COL16A1: variants seen among roughly 807,000 people sequenced by gnomAD.
COL16A1 encodes the protein collagen type XVI alpha 1 chain.
Under a neutral mutation model 266.3 loss-of-function variants are expected in COL16A1, and 189 were observed. That is an observed-to-expected ratio of 0.71 (90% confidence interval 0.63 to 0.80). The LOEUF (loss-of-function observed/expected upper bound fraction) is 0.80, where lower values mean the gene tolerates loss of function less well. Among genes scored for constraint, COL16A1 ranks in the 30% least tolerant of loss-of-function variants. The probability of loss-of-function intolerance (pLI) is 0.00; values close to 1 mark genes in which losing one functional copy is unlikely to be tolerated. For missense variants in COL16A1, 1,928 were observed against 2,122.4 expected (o/e 0.91, Z 1.80); for synonymous variants, 740 against 782.3 (o/e 0.95, Z 0.90).
chr1:31,655,645 C>A, intron 66 of COL16A1, 143 bp from the exon 67 acceptor site: 1 of 1,417,980 alleles, frequency 7.1e-7, no homozygotes, highest in Non-Finnish European at 9.5e-7. Context: ...CTCCACCTCA[C>A]TGCCCCAGAG....
chr1:31,676,293 TTAGTC>T, intron 42 of COL16A1, among the ~76,000 whole-genome samples: 1 of 148,418 alleles, frequency 6.7e-6, no homozygotes, highest in East Asian at 2.0e-4. Flanking sequence ...CCACTACACT[TTAGTC>T]TAGGCAACAG....
chr1:31,682,053 A>G (rs1643684025), intron 37 of COL16A1, among the ~76,000 whole-genome samples: 1 of 152,224 alleles, frequency 6.6e-6, no homozygotes, highest in African/African-American at 2.4e-5. Context: ...CCCAAGACAA[A>G]TTACGCATTT....
Position 31,658,521 on chromosome 1 carries a change from G to C in COL16A1, c.3987C>G (p.Gly1329=). Residue 1329 remains glycine, a synonymous_variant, in exon 64 of 71, where the codon GGC becomes GGG. Transcript: ENST00000373672. ...TGERGLAGLP[G]QPGPPGHPGP... is the part of the protein sequence containing the mutation. ...CAGGGTGTCCAGGGGGGCCGGGCTG[G>C]CCTGGGAGGCCTGCAAGGCCCCTTT... is the stretch of plus-strand genomic sequence containing the variant. 2 of 1,605,090 alleles carry C rather than the reference G, an allele frequency of 1.2e-6. No individual in the cohort carries two copies. Among genetic ancestry groups the C allele is most frequent in the Non-Finnish European group, 1.7e-6 (2 of 1,176,708 alleles).
intron 1 of COL16A1, among the ~76,000 whole-genome samples, 174 bp downstream of exon 1, chr1:31,703,663 T>C (rs953455591): frequency 5.9e-5 from 9 of 152,198 alleles, no homozygotes; most frequent in African/African-American, 1.9e-4. Flanking sequence ...CACAGAGGCA[T>C]AGATTTGGGC....
Position 31,697,592 on chromosome 1 carries a change from G to C in COL16A1, c.658-292C>G, listed in dbSNP as rs1271925463. 6.6e-6 allele frequency among the ~76,000 whole-genome samples: 1 copy of C among 152,202 alleles called. No individual in the cohort carries two copies. Among genetic ancestry groups the C allele is most frequent in the South Asian group, 2.1e-4 (1 of 4,830 alleles). ...TGAGTATGCAAGGAAAGGCATTCCA[G>C]GTGGAGGTAACAGCGTAGGCAAAGG... is the stretch of plus-strand genomic sequence containing the variant. On this transcript the variant is annotated intron_variant, in intron 6 of 70. Transcript: ENST00000373672. This position sits in a 1 kb window ranked among gnomAD's most constrained non-coding sequence, Gnocchi z 4.2.
Position 31,697,440 on chromosome 1 carries a change from T to C in COL16A1, c.658-140A>G, listed in dbSNP as rs901041483. On this transcript the variant is annotated intron_variant, in intron 6 of 70. Transcript: ENST00000373672. The surrounding 1 kb of genome is among the most constrained non-coding windows in gnomAD (Gnocchi z 4.2). ...AGTCTGGCCTGGGAGACATCAAAAA[T>C]AGAGTTGTCACCAAAGGCAGAACAA... 3.6e-6 allele frequency: 3 copies of C among 823,890 alleles called. No individual in the cohort carries two copies. Among genetic ancestry groups the C allele is most frequent in the African/African-American group, 1.7e-5 (1 of 57,850 alleles). 51.0% of individuals were successfully genotyped at this position (823,890 alleles called of 1,614,324 possible).
In COL16A1 at chr1:31,691,208, G is replaced by A. The variant is rs1644249574; in HGVS notation, c.1417C>T (p.Pro473Ser). Residue 473 changes from proline to serine, a missense_variant, in exon 20 of 71, where the codon CCA becomes TCA. Physicochemically the swap from Pro to Ser is moderately conservative, Grantham distance 74 (BLOSUM62 -1). Around this residue, in one of 2 missense-constraint regions of COL16A1, gnomAD observed 1,552 missense variants for 1,637.2 expected, o/e 0.95. Coordinates refer to ENST00000373672, the MANE Select transcript of COL16A1 (RefSeq NM_001856.4). Reference protein sequence around the residue: ...PGTPGDPGGPPGPKGDKGSSG... With the variant: ...PGTPGDPGGPSGPKGDKGSSG... ...CTCACCTTGTCTCCCTTGGGGCCTG[G>A]TGGGCCACCTGGATCCCCCTGAGGG... is the stretch of plus-strand genomic sequence containing the variant. 1.2e-6 allele frequency: 2 copies of A among 1,614,018 alleles called. No individual in the cohort carries two copies. The highest frequency in any genetic ancestry group is 1.7e-5 in the Admixed American group (1 of 60,008).
rs763522147 is a variant in COL16A1, at chr1:31,658,508, G to T, written c.4000C>A (p.Pro1334Thr). 1.2e-6 allele frequency: 2 copies of T among 1,604,170 alleles called. No individual in the cohort carries two copies. Among genetic ancestry groups the T allele is most frequent in the Non-Finnish European group, 1.7e-6 (2 of 1,176,466 alleles). Residue 1334 changes from proline to threonine, a missense_variant, in exon 64 of 71, where the codon CCT becomes ACT. By Grantham distance (38) the Pro-to-Thr change is conservative. Around this residue, in one of 2 missense-constraint regions of COL16A1, gnomAD observed 376 missense variants for 485.2 expected, o/e 0.77. Transcript: ENST00000373672. ...CTTACTGGGGGGCCAGGGTGTCCAG[G>T]GGGGCCGGGCTGGCCTGGGAGGCCT... Reference protein sequence around the residue: ...LAGLPGQPGPPGHPGPPGEPG... With the variant: ...LAGLPGQPGPTGHPGPPGEPG...
chr1:31,701,752 G>A (rs1053718406), intron 2 of COL16A1, among the ~76,000 whole-genome samples: 1 of 152,112 alleles, frequency 6.6e-6, no homozygotes, highest in East Asian at 1.9e-4. Context: ...CTCACTGCCT[G>A]TTCCTCCCCA....
intron 13 of COL16A1, 106 bp from the exon 14 acceptor site, chr1:31,692,914 A>G (rs943000333): frequency 7.7e-6 from 9 of 1,172,218 alleles, no homozygotes; most frequent in African/African-American, 3.0e-5. Flanking sequence ...AAGTATCCCT[A>G]GAAAAGGGGG....
chr1:31,690,228 G>T, intron 22 of COL16A1, 139 bp downstream of exon 22: 1 of 1,332,084 alleles, frequency 7.5e-7, no homozygotes, highest in Non-Finnish European at 1.0e-6. Context: ...ACTGCACATG[G>T]ACATCAGAGG....
intron 26 of COL16A1, among the ~76,000 whole-genome samples, chr1:31,687,046 C>G (rs893062730): frequency 5.3e-5 from 8 of 152,156 alleles, no homozygotes; most frequent in Non-Finnish European, 8.8e-5. Flanking sequence ...CAGAGGGACT[C>G]TAAGGAGGGA....
At position 31,655,347 on chromosome 1, in the gene COL16A1, C is replaced by A. The variant is rs192646338; in HGVS notation, c.4257G>T (p.Gly1419=). 8.1e-5 allele frequency: 131 copies of A among 1,612,890 alleles called. No individual in the cohort carries two copies. In the African/African-American group the frequency reaches 1.4e-3, roughly 17 times the overall value. ...CAGGCACACCAGGCAAGCCAGGGCT[C>A]CCCGAAGGCCCCGGAGCTCCAGGGT... ...RGHPGAPGPS[G]SPGLPGVPGS... The change falls in exon 67 of 71, where the codon GGG becomes GGT. Residue 1419 remains glycine (G), a synonymous_variant. Coordinates refer to ENST00000373672, the MANE Select transcript of COL16A1 (RefSeq NM_001856.4).
At position 31,684,500 on chromosome 1, in the gene COL16A1, C is replaced by T. The variant is rs752170067; in HGVS notation, c.2160+23G>A. The stretch of plus-strand genomic sequence containing the variant: ...TTTTTTATGCAACAAACTCCCCGAC[C>T]CCAACCACCCCGCCTGACTAACCTT... On this transcript the variant is annotated intron_variant, in intron 31 of 70. Transcript: ENST00000373672. 1.1e-5 allele frequency: 17 copies of T among 1,601,240 alleles called. No homozygotes were observed. In the African/African-American group the frequency reaches 1.6e-4, roughly 15 times the overall value.
rs75020493 is a variant in COL16A1, at chr1:31,689,862, G to A, written c.1510-11C>T. 7,865 of 1,612,758 alleles carry A rather than the reference G, an allele frequency of 4.9e-3. 244 individuals carry two copies. In the African/African-American group the frequency reaches 0.076, roughly 16 times the overall value. ...TTCACAGGGGTCACCCTAGCAGAAG[G>A]GAGAGGCAGTATGTGGACAGGGTGG... is the stretch of plus-strand genomic sequence containing the variant. On this transcript the variant is annotated splice_polypyrimidine_tract_variant and intron_variant, in intron 22 of 70. Transcript: ENST00000373672.
chr1:31,702,359 AGT>A (rs997785952), intron 1 of COL16A1, 132 bp from the exon 2 acceptor site: 4 of 861,838 alleles, frequency 4.6e-6, no homozygotes, highest in Non-Finnish European at 7.3e-6. Flanking sequence ...GCCAGGCATC[AGT>A]CTCTCTCAGA....
At chr1:31,662,889 GA>G in intron 56 of COL16A1, 1 of 593,322 alleles carries the variant, frequency 1.7e-6, no homozygotes. Flanking sequence ...GCCCCATGAG[GA>G]AGGGACAGGG....
Position 31,688,191 on chromosome 1 carries a change from T to C in COL16A1, c.1803+276A>G, listed in dbSNP as rs376195032. Reference sequence around the variant, plus strand: ...CGGCACATCATAAGCAATAAAGAAGTGTTACATATTATAAATATAATAAGG... The same window carrying C: ...CGGCACATCATAAGCAATAAAGAAGCGTTACATATTATAAATATAATAAGG... On this transcript the variant is annotated intron_variant, in intron 26 of 70. Coordinates refer to ENST00000373672, the MANE Select transcript of COL16A1 (RefSeq NM_001856.4). The surrounding 1 kb of genome is among the most constrained non-coding windows in gnomAD (Gnocchi z 4.9). Among the ~76,000 whole-genome samples, 20 of 152,174 alleles carry C rather than the reference T, an allele frequency of 1.3e-4. No homozygotes were observed. The highest frequency in any genetic ancestry group is 4.6e-4 in the African/African-American group (19 of 41,430).
intron 2 of COL16A1, chr1:31,701,655 T>C: frequency 1.3e-6 from 1 of 775,448 alleles, no homozygotes; most frequent in Non-Finnish European, 1.6e-6. Context: ...GAGAAGCACG[T>C]GAGCTAGAGG....
Sources: allele counts gnomAD v4.1 joint callset (sites outside exome capture counted in the v4.1 genomes callset), GRCh38; gene constraint gnomAD v4.1.1; regional missense constraint gnomAD v4.1.1; non-coding constraint Gnocchi (gnomAD v3.1); transcripts MANE v1.5; gene names NCBI Gene and HGNC (gene_info 2026-07-23, HGNC 2026-07-21).